The following PARD3B variants were observed in gnomAD, a reference collection of about 807,000 sequenced individuals.
PARD3B encodes par-3 family cell polarity regulator beta, also known as partitioning defective 3 homolog B.
PARD3B carries 103 observed loss-of-function variants against 130.2 expected under a neutral mutation model. The ratio of observed to expected loss-of-function variants is 0.79; its 90% CI spans 0.67 to 0.93. The LOEUF is 0.93. Ranked by LOEUF, PARD3B falls within the 40% of genes least tolerant of loss-of-function variation. The pLI is 0.00. For missense variants in PARD3B, 1,609 were observed against 1,499.2 expected, an observed-to-expected ratio of 1.07 and a Z score of -1.21; for synonymous variants, 583 against 553.2, an observed-to-expected ratio of 1.05 and a Z score of -0.76.
chr2:205,447,632 C>T (rs1202573467), intron 20 of PARD3B, among the ~76,000 whole-genome samples: 3 of 152,170 alleles, frequency 2.0e-5, no homozygotes, highest in Admixed American at 6.5e-5. Context: ...CCACCTGGGC[C>T]TCCCAAAGTG....
At chr2:204,622,053 T>G (rs1474973786) in intron 1 of PARD3B, among the ~76,000 whole-genome samples, 1 of 152,186 alleles carries the variant, frequency 6.6e-6, no homozygotes. Context: ...TGGCTTCACA[T>G]GTACAGTGAC....
intron 18 of PARD3B, among the ~76,000 whole-genome samples, chr2:205,318,955 A>G (rs2042652701): frequency 6.6e-6 from 1 of 152,160 alleles, no homozygotes; most frequent in Admixed American, 6.6e-5. Flanking sequence ...CACTTGAAAG[A>G]CAAGAACCAC....
At position 205,301,758 on chromosome 2, in the gene PARD3B, C is replaced by A. The variant is rs759199842; in HGVS notation, c.2630+57C>A. On this transcript the variant is annotated intron_variant, in intron 18 of 22. Coordinates refer to ENST00000406610, the MANE Select transcript of PARD3B (RefSeq NM_001302769.2). The surrounding 1 kb of genome is among the most constrained non-coding windows in gnomAD (Gnocchi z 5.2). ...CTCATTTTGTCTCTCCTGGTAAAAT[C>A]ACTCCTTTGTCTGTACTCAGAAAAA... 1 of 1,613,962 alleles carries A rather than the reference C, an allele frequency of 6.2e-7. No homozygotes were observed. Among genetic ancestry groups the A allele is most frequent in the Non-Finnish European group, 8.5e-7 (1 of 1,179,838 alleles).
intron 1 of PARD3B, among the ~76,000 whole-genome samples, chr2:204,581,467 T>G (rs1559167901): frequency 6.6e-6 from 1 of 152,092 alleles, no homozygotes; most frequent in South Asian, 2.1e-4. Context: ...TTTTTTTTTA[T>G]TTTTTTAAAA....
chr2:205,540,420 G>A (rs1167436982), intron 21 of PARD3B, among the ~76,000 whole-genome samples: 1 of 151,738 alleles, frequency 6.6e-6, no homozygotes, highest in Non-Finnish European at 1.5e-5. Context: ...CACATTTTTT[G>A]GTGGCAAAAT....
At chr2:204,774,871 G>A (rs189827785) in intron 2 of PARD3B, among the ~76,000 whole-genome samples, 2 of 152,144 alleles carry the variant, frequency 1.3e-5, no homozygotes, top group Non-Finnish European at 2.9e-5. Context: ...GGGAGTAAGG[G>A]CAAAAAAGTG....
chr2:204,886,075 A>G (rs1050546337), intron 2 of PARD3B, among the ~76,000 whole-genome samples: 1 of 152,210 alleles, frequency 6.6e-6, no homozygotes, highest in African/African-American at 2.4e-5. Context: ...TTGGGGCTTA[A>G]TGATCTTTCA....
intron 8 of PARD3B, among the ~76,000 whole-genome samples, chr2:205,123,219 G>A (rs2030967361): frequency 6.6e-6 from 1 of 152,108 alleles, no homozygotes; most frequent in Admixed American, 6.5e-5. Flanking sequence ...ACTGGTTGTA[G>A]GAAGGAAAAA....
intron 2 of PARD3B, among the ~76,000 whole-genome samples, chr2:204,860,567 G>A (rs923939220): frequency 6.6e-6 from 1 of 152,156 alleles, no homozygotes; most frequent in South Asian, 2.1e-4. Flanking sequence ...TACAGAAAAC[G>A]TTTTGGCAGA....
At position 205,575,771 on chromosome 2, in the gene PARD3B, T is replaced by C. The variant is rs10469758; in HGVS notation, c.3260+22368T>C. ...GTTGTGGCACAGTTGATTCATTCAC[T>C]TACTAAAGGACATCTTGGTTGCCTC... On this transcript the variant is annotated intron_variant, in intron 22 of 22. Transcript: ENST00000406610. The surrounding 1 kb of genome is among the most constrained non-coding windows in gnomAD (Gnocchi z 4.6). Among the ~76,000 whole-genome samples, 146,423 of 152,204 alleles carry C rather than the reference T, an allele frequency of 0.96. 70,687 individuals carry two copies. Among genetic ancestry groups the C allele is most frequent in the East Asian group, 1 (5,176 of 5,176 alleles).
rs1450527425 is a variant in PARD3B, at chr2:205,209,042, A to G, written c.2140+15722A>G. On this transcript the variant is annotated intron_variant, in intron 15 of 22. Transcript: ENST00000406610. The stretch of plus-strand genomic sequence containing the variant: ...CAGAGATATAGATCAATGGAACAGA[A>G]CAGAGCCCTCAGAAATAACGCCGCA... Among the ~76,000 whole-genome samples, 88 of 124,740 alleles carry G rather than the reference A, an allele frequency of 7.1e-4. 3 individuals carry two copies. Among genetic ancestry groups the G allele is most frequent in the African/African-American group, 2.8e-3 (82 of 29,658 alleles). The allele number at this position is 124,740 out of a possible 152,430, so 81.8% of individuals were successfully genotyped here. A position where few individuals can be genotyped will look rare whatever the true frequency, so the allele number is the denominator to read the frequency against.
chr2:204,948,043 A>G (rs1336234768), intron 2 of PARD3B, among the ~76,000 whole-genome samples: 1 of 152,174 alleles, frequency 6.6e-6, no homozygotes, highest in Non-Finnish European at 1.5e-5. Flanking sequence ...TTTGCTTTCT[A>G]AAGACTTAGG....
intron 4 of PARD3B, among the ~76,000 whole-genome samples, chr2:205,096,112 A>G (rs1328424766): frequency 6.6e-6 from 1 of 152,166 alleles, no homozygotes; most frequent in Non-Finnish European, 1.5e-5. Flanking sequence ...CCAAGAAAAC[A>G]TTTGGTCAAA....
intron 21 of PARD3B, among the ~76,000 whole-genome samples, chr2:205,531,954 T>A (rs567640427): frequency 2.0e-4 from 31 of 152,318 alleles, no homozygotes; most frequent in African/African-American, 7.0e-4. Context: ...TGTTTTTTTT[T>A]TCCTTGAATG....
At chr2:205,381,389 C>G (rs547229203) in intron 18 of PARD3B, among the ~76,000 whole-genome samples, 4 of 150,836 alleles carry the variant, frequency 2.7e-5, no homozygotes, top group Middle Eastern at 3.4e-3. Flanking sequence ...ATCAAGTGTT[C>G]CATAATAGAT....
Position 205,542,144 on chromosome 2 carries a change from CAAAAAAAAAAAAAA to C in PARD3B, c.3181-11164_3181-11151del, listed in dbSNP as rs71032484. 2.3e-3 allele frequency among the ~76,000 whole-genome samples: 87 copies of C among 38,072 alleles called. 1 individual carries two copies. In the South Asian group the frequency reaches 0.051, roughly 22 times the overall value. 25.0% of individuals were successfully genotyped at this position (38,072 alleles called of 152,430 possible). A position where few individuals can be genotyped will look rare whatever the true frequency, so the allele number is the denominator to read the frequency against. On this transcript the variant is annotated intron_variant, in intron 21 of 22. Coordinates refer to ENST00000406610, the MANE Select transcript of PARD3B (RefSeq NM_001302769.2). ...GGCAACAAGAGTGAAACTCCGTCTC[CAAAAAAAAAAAAAA>C]AAAAAAAAAAAAAAAGTATATGTTT... is the stretch of plus-strand genomic sequence containing the variant.
chr2:204,938,415 T>C (rs1688632277), intron 2 of PARD3B, among the ~76,000 whole-genome samples: 1 of 152,212 alleles, frequency 6.6e-6, no homozygotes, highest in African/African-American at 2.4e-5. Context: ...CCCGTAGGGT[T>C]CTTCCACTTT....
intron 2 of PARD3B, among the ~76,000 whole-genome samples, chr2:204,815,659 T>G (rs774786132): frequency 3.3e-5 from 5 of 152,008 alleles, no homozygotes; most frequent in African/African-American, 4.8e-5. Flanking sequence ...TTCTGTGCTA[T>G]TAGTTTCCTT....
At chr2:205,206,514 A>G (rs1433438621) in intron 15 of PARD3B, among the ~76,000 whole-genome samples, 10 of 150,872 alleles carry the variant, frequency 6.6e-5, no homozygotes, top group East Asian at 3.9e-4. Context: ...ATGATTTCCA[A>G]TTTCATCCAT....
Sources: gnomAD v4.1 joint callset for allele counts (sites outside exome capture counted in the v4.1 genomes callset) on GRCh38, gnomAD v4.1.1 for gene constraint, Gnocchi (gnomAD v3.1) non-coding constraint, MANE v1.5 for transcripts, NCBI Gene and HGNC (gene_info 2026-07-23, HGNC 2026-07-21) for gene names.